GTF2E2: variants seen among roughly 807,000 people sequenced by gnomAD.
GTF2E2 encodes the protein general transcription factor IIE subunit 2.
A neutral mutation model predicts 40.5 loss-of-function variants in GTF2E2; 21 were observed. The observed-to-expected ratio is 0.52, with a 90% confidence interval of 0.37 to 0.75. The LOEUF (loss-of-function observed/expected upper bound fraction) is 0.75. GTF2E2 is among the 30% of genes least tolerant of loss of function. GTF2E2 has a pLI of 0.00. For synonymous variants in GTF2E2, 117 were observed against 121.6 expected (o/e 0.96, Z 0.25); for missense variants, 298 against 338.4 (o/e 0.88, Z 0.94).
chr8:30,600,869 T>C (rs948542580), intron 6 of GTF2E2, among the ~76,000 whole-genome samples: 5 of 152,232 alleles, frequency 3.3e-5, no homozygotes, highest in African/African-American at 9.6e-5. Context: ...CAGAACCCTC[T>C]GTGTGCCTGA....
chr8:30,641,748 A>C (rs761778773), intron 2 of GTF2E2, among the ~76,000 whole-genome samples: 1 of 152,192 alleles, frequency 6.6e-6, no homozygotes, highest in African/African-American at 2.4e-5. Context: ...GTGACTGTAC[A>C]TACCTGTAAT....
chr8:30,638,960 G>A (rs1051702628), intron 2 of GTF2E2, among the ~76,000 whole-genome samples: 6 of 152,042 alleles, frequency 3.9e-5, no homozygotes, highest in African/African-American at 9.7e-5. Context: ...TTCTCTGAGC[G>A]ATTTCATTTC....
chr8:30,635,924 A>T (rs1288471017), intron 2 of GTF2E2, among the ~76,000 whole-genome samples: 1 of 152,178 alleles, frequency 6.6e-6, no homozygotes, highest in Non-Finnish European at 1.5e-5. Context: ...AAGATATCAC[A>T]ATTATTTTAA....
Position 30,653,531 on chromosome 8 carries a change from T to C in GTF2E2, c.68A>G (p.Glu23Gly), listed in dbSNP as rs759602974. 16 of 1,613,436 alleles carry C rather than the reference T, an allele frequency of 9.9e-6. No homozygotes were observed. Among genetic ancestry groups the C allele is most frequent in the Non-Finnish European group, 1.1e-5 (13 of 1,179,510 alleles). Residue 23 changes from glutamate to glycine, a missense_variant, in exon 2 of 8, where the codon GAA becomes GGA. Physicochemically the swap from Glu to Gly is moderately conservative, Grantham distance 98 (BLOSUM62 -2). Transcript: ENST00000355904. ...KKRALSTPVVEKRSASSESSS... is the reference protein window; with the variant it reads ...KKRALSTPVVGKRSASSESSS... ...TGACTCAGAAGATGCTGAACGTTTT[T>C]CTACTACAGGAGTAGAAAGAGCTCG...
chr8:30,654,774 C>T (rs1802401383), intron 1 of GTF2E2, among the ~76,000 whole-genome samples: 1 of 152,114 alleles, frequency 6.6e-6, no homozygotes, highest in African/African-American at 2.4e-5. Flanking sequence ...GACAACACTG[C>T]TGTAGAAACA....
In GTF2E2 at chr8:30,614,720, C is replaced by G. The variant is rs369034600; in HGVS notation, c.259-5G>C. On this transcript the variant is annotated splice_region_variant and splice_polypyrimidine_tract_variant and intron_variant, in intron 3 of 7. Transcript: ENST00000355904. ...ATCTCCTCGCTGATGCCGTGTCTAT[C>G]AAGTGAAGAAATTGTTATTAGAAGA... The G allele has an allele frequency of 1.9e-6, 3 of 1,539,632 alleles. No individual in the cohort carries two copies. The highest frequency in any genetic ancestry group is 1.4e-5 in the African/African-American group (1 of 72,976).
intron 2 of GTF2E2, chr8:30,645,280 G>C (rs969360859): frequency 1.3e-6 from 2 of 1,509,912 alleles, no homozygotes; most frequent in Non-Finnish European, 1.8e-6. Context: ...CTTTTTTATA[G>C]ATTCAAAAGA....
intron 2 of GTF2E2, among the ~76,000 whole-genome samples, chr8:30,646,979 CAAAAAAAAAAA>C (rs56762565): frequency 2.7e-4 from 14 of 51,200 alleles, no homozygotes; most frequent in African/African-American, 5.0e-4. Context: ...GACTCCGTCT[CAAAAAAAAAAA>C]AAAAAAAAAA....
chr8:30,607,239 T>C (rs1169159036), intron 5 of GTF2E2, 89 bp from the exon 6 acceptor site: 1 of 548,266 alleles, frequency 1.8e-6, no homozygotes, highest in Admixed American at 3.2e-5. Flanking sequence ...AGGAGTTTCA[T>C]TTCCTTAACA....
chr8:30,614,598 A>G lies in GTF2E2; in HGVS notation c.366+10T>C, dbSNP rs370799297. ...AGGAAATCTCTCTTGATAATCAACTAAATTCTTACCTCAGTCATTAGCCAT... is the reference window on the plus strand; with the variant it reads ...AGGAAATCTCTCTTGATAATCAACTGAATTCTTACCTCAGTCATTAGCCAT... On this transcript the variant is annotated intron_variant, in intron 4 of 7. Transcript: ENST00000355904. The G allele has an allele frequency of 7.2e-7, 1 of 1,397,998 alleles. No homozygotes were observed. Among genetic ancestry groups the G allele is most frequent in the Non-Finnish European group, 1.0e-6 (1 of 992,292 alleles). The allele number at this position is 1,397,998 out of a possible 1,614,324, so 86.6% of individuals were successfully genotyped here.
rs1395162469 is a variant in GTF2E2, at chr8:30,613,603, C to T, written c.366+1005G>A. Among the ~76,000 whole-genome samples, 3 of 152,100 alleles carry T rather than the reference C, an allele frequency of 2.0e-5. No homozygotes were observed. The South Asian group carries it at 6.2e-4, about 32-fold the overall frequency. On this transcript the variant is annotated intron_variant, in intron 4 of 7. Coordinates refer to ENST00000355904, the MANE Select transcript of GTF2E2 (RefSeq NM_002095.6). ...TATGAATTCTCAAGGTTAGCTAAACCAGCAAATTTAAATGTGGATTACCAT... is the reference window on the plus strand; with the variant it reads ...TATGAATTCTCAAGGTTAGCTAAACTAGCAAATTTAAATGTGGATTACCAT...
intron 3 of GTF2E2, among the ~76,000 whole-genome samples, chr8:30,630,832 C>T (rs972500971): frequency 2.6e-5 from 4 of 152,002 alleles, no homozygotes; most frequent in African/African-American, 9.7e-5. Context: ...AATATTTTGG[C>T]CCCTGCTGGA....
chr8:30,595,755 C>G (rs745310471), intron 6 of GTF2E2, among the ~76,000 whole-genome samples: 5 of 151,920 alleles, frequency 3.3e-5, no homozygotes, highest in Non-Finnish European at 1.5e-5. Context: ...TGAATTGAGC[C>G]CTGGAGGCAG....
chr8:30,620,273 CGTATACAT>C lies in GTF2E2; in HGVS notation c.259-5566_259-5559del, dbSNP rs1315876086. Among the ~76,000 whole-genome samples, 1,091 of 149,252 alleles carry C rather than the reference CGTATACAT, an allele frequency of 7.3e-3. 26 individuals are homozygous for C. Among genetic ancestry groups the C allele is most frequent in the African/African-American group, 0.025 (991 of 40,180 alleles). ...ACACACACACAAACACACACACACA[CGTATACAT>C]ACACACATTCATTCCTTTGAGATCT... On this transcript the variant is annotated intron_variant, in intron 3 of 7. Transcript: ENST00000355904.
At chr8:30,634,059 C>T (rs1030256929) in intron 3 of GTF2E2, among the ~76,000 whole-genome samples, 1 of 152,064 alleles carries the variant, frequency 6.6e-6, no homozygotes, top group African/African-American at 2.4e-5. Flanking sequence ...AGTAACTAAT[C>T]GTGAATAAGA....
chr8:30,593,642 G>A (rs534518574), intron 6 of GTF2E2, among the ~76,000 whole-genome samples: 1 of 152,264 alleles, frequency 6.6e-6, no homozygotes, highest in East Asian at 1.9e-4. Context: ...GACTACAGGT[G>A]CACACCACCA....
chr8:30,629,251 T>TG (rs1173688348), intron 3 of GTF2E2, among the ~76,000 whole-genome samples: 2 of 152,224 alleles, frequency 1.3e-5, no homozygotes. Flanking sequence ...AGTCCTACTA[T>TG]GGACCAGAAC....
intron 1 of GTF2E2, among the ~76,000 whole-genome samples, chr8:30,656,454 G>C (rs1244868839): frequency 3.3e-5 from 5 of 152,126 alleles, no homozygotes; most frequent in Non-Finnish European, 7.4e-5. Flanking sequence ...GGAAACATTT[G>C]TGTCTTATTT....
intron 6 of GTF2E2, chr8:30,596,842 G>C (rs1401410175): frequency 6.6e-6 from 1 of 152,248 alleles, no homozygotes; most frequent in Non-Finnish European, 1.5e-5. Flanking sequence ...CAGAAGCGTG[G>C]TTTGGAATTT....
Sources: gnomAD v4.1 joint callset for allele counts (sites outside exome capture counted in the v4.1 genomes callset) on GRCh38, gnomAD v4.1.1 for gene constraint, MANE v1.5 for transcripts, NCBI Gene and HGNC (gene_info 2026-07-23, HGNC 2026-07-21) for gene names.